CHRNA2: variants seen among roughly 807,000 people sequenced by gnomAD.
The protein encoded by CHRNA2 is neuronal acetylcholine receptor subunit alpha-2.
Under a neutral mutation model 45.5 loss-of-function variants are expected in CHRNA2, and 40 were observed. The observed-to-expected ratio is 0.88, with a 90% CI of 0.68 to 1.15. The LOEUF is 1.15. Among genes scored for constraint, CHRNA2 ranks in the 50% most tolerant of loss-of-function variants. The probability of loss-of-function intolerance (pLI) is 0.00; values close to 1 mark genes in which losing one functional copy is unlikely to be tolerated. For synonymous variants in CHRNA2, 301 were observed against 296.7 expected (o/e 1.01, Z -0.15); for missense variants, 655 against 701.7 (o/e 0.93, Z 0.75).
chr8:27,468,695 A>G (rs1812775232), intron 4 of CHRNA2, among the ~76,000 whole-genome samples: 2 of 152,176 alleles, frequency 1.3e-5, no homozygotes, highest in Admixed American at 1.3e-4. Context: ...CATCCCTGCT[A>G]AGGGACAGAT....
chr8:27,464,065 G>C, intron 5 of CHRNA2, 72 bp from the exon 6 acceptor site: 1 of 1,580,430 alleles, frequency 6.3e-7, no homozygotes. Context: ...CAGAGAGCTG[G>C]CAGCAGGGGA....
chr8:27,477,131 G>A (rs1369908163), intron 1 of CHRNA2: 4 of 152,152 alleles, frequency 2.6e-5, no homozygotes, highest in Admixed American at 2.6e-4. Flanking sequence ...GTTAACTAGG[G>A]GGGCGATTTC....
chr8:27,474,106 C>T (rs1454205414), intron 1 of CHRNA2, among the ~76,000 whole-genome samples: 1 of 152,156 alleles, frequency 6.6e-6, no homozygotes, highest in Admixed American at 6.5e-5. Context: ...CGGGGAACTG[C>T]AGAGGGCTGG....
intron 1 of CHRNA2, among the ~76,000 whole-genome samples, chr8:27,474,948 G>A (rs1381144193): frequency 6.6e-6 from 1 of 152,216 alleles, no homozygotes; most frequent in African/African-American, 2.4e-5. Context: ...AAACAGCACA[G>A]CTAACTGATT....
At chr8:27,468,928 G>A (rs946930511) in intron 4 of CHRNA2, among the ~76,000 whole-genome samples, 2 of 152,228 alleles carry the variant, frequency 1.3e-5, no homozygotes, top group African/African-American at 4.8e-5. Context: ...CATAGAAGGA[G>A]CCTGGGACTC....
Position 27,461,679 on chromosome 8 carries a change from G to C in CHRNA2, c.1540C>G (p.Leu514Val). Residue 514 changes from leucine to valine, a missense_variant, in exon 7 of 7, where the codon CTG becomes GTG. Around this residue, in one of 3 missense-constraint regions of CHRNA2, gnomAD observed 295 missense variants for 280.4 expected, o/e 1.05. Transcript: ENST00000407991. ...FLWLFIIVCF[L>V]GTIGLFLPPF... ...GGCAGAAAGAGGCCGATGGTCCCCA[G>C]GAAGCAGACGATGATAAACAGCCAG... The C allele has an allele frequency of 6.2e-7, 1 of 1,614,234 alleles. No homozygotes were observed. Among genetic ancestry groups the C allele is most frequent in the South Asian group, 1.1e-5 (1 of 91,080 alleles).
rs908646142 is a variant in CHRNA2 at position 27,461,554 on chromosome 8, A to G, written c.*75T>C. 2.5e-6 allele frequency: 4 copies of G among 1,604,088 alleles called. No individual in the cohort carries two copies. Among genetic ancestry groups the G allele is most frequent in the Non-Finnish European group, 3.4e-6 (4 of 1,172,320 alleles). On this transcript the variant is annotated 3_prime_UTR_variant, in exon 7 of 7. Coordinates refer to ENST00000407991, the MANE Select transcript of CHRNA2 (RefSeq NM_000742.4). Reference sequence around the variant, plus strand: ...ACCTGCTCATCCCAAAGGGGACACCAGAGGCAGCTGTAGCAGAGACGGTCA... The same window carrying G: ...ACCTGCTCATCCCAAAGGGGACACCGGAGGCAGCTGTAGCAGAGACGGTCA...
intron 6 of CHRNA2, 35 bp downstream of exon 6, chr8:27,462,944 C>G (rs749500276): frequency 6.8e-6 from 11 of 1,613,498 alleles, no homozygotes; most frequent in Non-Finnish European, 9.3e-6. Context: ...TTGGTGGGGC[C>G]ACCCAGGCTG....
At chr8:27,472,501 A>G (rs1017363496) in intron 1 of CHRNA2, among the ~76,000 whole-genome samples, 5 of 152,180 alleles carry the variant, frequency 3.3e-5, no homozygotes, top group African/African-American at 9.7e-5. Context: ...GGGTCACAGA[A>G]GTCTTCCGTG....
chr8:27,465,882 A>G (rs1812683646), intron 5 of CHRNA2, among the ~76,000 whole-genome samples: 1 of 152,188 alleles, frequency 6.6e-6, no homozygotes, highest in Non-Finnish European at 1.5e-5. Context: ...CCATCTCTAA[A>G]TGTAAGCAAG....
chr8:27,463,593 C>A lies in CHRNA2; in HGVS notation c.850G>T (p.Val284Leu), dbSNP rs1812594717. ...IPCLLISCLT[V>L]LVFYLPSDCG... ...TCGGAGGGCAGGTAGAAGACCAGCA[C>A]AGTGAGGCAGGAGATGAGCAGGCAG... The change falls in exon 6 of 7, where the codon GTG becomes TTG. Residue 284 changes from valine (V) to leucine (L), a missense_variant. Transcript: ENST00000407991. The surrounding 1 kb of genome is among the most constrained non-coding windows in gnomAD (Gnocchi z 6.1). 1.2e-6 allele frequency: 2 copies of A among 1,614,158 alleles called. No homozygotes were observed. The highest frequency in any genetic ancestry group is 2.7e-5 in the African/African-American group (2 of 75,026).
chr8:27,472,757 C>T (rs960295641), intron 1 of CHRNA2, among the ~76,000 whole-genome samples: 6 of 152,144 alleles, frequency 3.9e-5, no homozygotes, highest in African/African-American at 1.4e-4. Context: ...TGTGAATATA[C>T]TAAAATTCAC....
At chr8:27,461,880 A>T in intron 6 of CHRNA2, 126 bp from the exon 7 acceptor site, 6 of 1,298,798 alleles carry the variant, frequency 4.6e-6, no homozygotes, top group Non-Finnish European at 6.6e-6. Flanking sequence ...GACCTTGGGG[A>T]GCAAAGGTCA....
intron 1 of CHRNA2, among the ~76,000 whole-genome samples, chr8:27,474,522 A>G (rs896567757): frequency 4.1e-5 from 6 of 146,326 alleles, no homozygotes; most frequent in African/African-American, 1.5e-4. Flanking sequence ...CCCAGCTGGC[A>G]GGTGCAAAAG....
Position 27,469,383 on chromosome 8 carries a change from G to A in CHRNA2, c.295-4C>T, listed in dbSNP as rs1812797815. 1 of 1,556,098 alleles carries A rather than the reference G, an allele frequency of 6.4e-7. No individual in the cohort carries two copies. The highest frequency in any genetic ancestry group is 8.7e-7 in the Non-Finnish European group (1 of 1,149,172). ...TCATCATTTGGTTCTTCTCATCCTG[G>A]CCCAGAGAGAGACAGAGGAGCAATT... On this transcript the variant is annotated splice_region_variant and splice_polypyrimidine_tract_variant and intron_variant, in intron 3 of 6. Coordinates refer to ENST00000407991, the MANE Select transcript of CHRNA2 (RefSeq NM_000742.4).
At chr8:27,476,468 T>C (rs1268774571) in intron 1 of CHRNA2, among the ~76,000 whole-genome samples, 5 of 152,196 alleles carry the variant, frequency 3.3e-5, no homozygotes, top group Non-Finnish European at 5.9e-5. Flanking sequence ...GAGTTGAGTT[T>C]AGAGACCCTA....
In CHRNA2 at chr8:27,469,623, G is replaced by C. The variant is rs1186221601; in HGVS notation, c.294+138C>G. On this transcript the variant is annotated intron_variant, in intron 3 of 6. Transcript: ENST00000407991. ...GGAGAGGGGAGAGCGTAGCCGCCCT[G>C]GGAAGAGCCATCCCCAACCCCACCC... 3.6e-6 allele frequency: 4 copies of C among 1,122,314 alleles called. No homozygotes were observed. In the East Asian group the frequency reaches 9.9e-5, roughly 28 times the overall value. 69.5% of individuals were successfully genotyped at this position (1,122,314 alleles called of 1,614,324 possible). A position where few individuals can be genotyped will look rare whatever the true frequency, so the allele number is the denominator to read the frequency against.
At chr8:27,472,586 G>C (rs1163889403) in intron 1 of CHRNA2, among the ~76,000 whole-genome samples, 2 of 152,156 alleles carry the variant, frequency 1.3e-5, no homozygotes, top group Non-Finnish European at 2.9e-5. Flanking sequence ...CTACTGATAT[G>C]GAATATGCAG....
chr8:27,476,986 T>C (rs969229286), intron 1 of CHRNA2, among the ~76,000 whole-genome samples: 10 of 142,942 alleles, frequency 7.0e-5, no homozygotes, highest in Non-Finnish European at 1.2e-4. Context: ...ATTATCCCTT[T>C]CATGTAAGTA....
Sources: gnomAD v4.1 joint callset for allele counts (sites outside exome capture counted in the v4.1 genomes callset) on GRCh38, gnomAD v4.1.1 for gene constraint, gnomAD v4.1.1 regional missense constraint, Gnocchi (gnomAD v3.1) non-coding constraint, MANE v1.5 for transcripts, NCBI Gene and HGNC (gene_info 2026-07-23, HGNC 2026-07-21) for gene names.